The following ABCB4 variants were observed in gnomAD, a reference collection of about 807,000 sequenced individuals.
The protein encoded by ABCB4 is phosphatidylcholine translocator ABCB4.
A neutral mutation model predicts 145.7 loss-of-function variants in ABCB4; 76 were observed. The observed-to-expected ratio is 0.52, with a 90% CI of 0.43 to 0.63. The LOEUF is 0.63. Ranked by LOEUF, ABCB4 falls within the 30% of genes least tolerant of loss-of-function variation. ABCB4 has a pLI of 0.00. For synonymous variants in ABCB4, 517 were observed against 566.8 expected (o/e 0.91, Z 1.25); for missense variants, 1,234 against 1,553.1 (o/e 0.79, Z 3.45).
At position 87,433,189 on chromosome 7, in the gene ABCB4, C is replaced by G. The variant is rs544408782; in HGVS notation, c.1732-1624G>C. ...CATTTAATAAAGTAATGTGGTATTT[C>G]TACTTTAGTCCTTACATTAAAATAA... On this transcript the variant is annotated intron_variant, in intron 14 of 27. Transcript: ENST00000649586. Among the ~76,000 whole-genome samples the G allele has an allele frequency of 2.6e-5, 4 of 152,250 alleles. No individual in the cohort carries two copies. In the East Asian group the frequency reaches 7.7e-4, roughly 29 times the overall value.
At chr7:87,381,711 C>CT in the ABCB4 span, among the ~76,000 whole-genome samples, 1 of 152,114 alleles carries the variant, frequency 6.6e-6, no homozygotes, top group African/African-American at 2.4e-5. Context: ...ATTTAAACAA[C>CT]TTTTTTTCCA....
In ABCB4 at chr7:87,449,978, C is replaced by A. The variant is rs1462261623; in HGVS notation, c.823G>T (p.Glu275Ter). The change falls in exon 8 of 28, where the codon GAG (glutamate) becomes TAG (stop). Residue 275 changes from glutamate to a stop codon, truncating the protein, a stop_gained. Coordinates refer to ENST00000649586, the MANE Select transcript of ABCB4 (RefSeq NM_000443.4). LOFTEE classifies it high-confidence loss of function. ...AAGAACCTTCCTGACCTTTCCAGCT[C>A]TTTGTTCTGGCCCCCGAAAGCTATC... ...TVIAFGGQNKELERYQKHLEN... is the reference protein window; with the variant it reads ...TVIAFGGQNK The A allele has an allele frequency of 5.6e-6, 9 of 1,614,044 alleles. 1 individual carries two copies. In the South Asian group the frequency reaches 8.8e-5, roughly 16 times the overall value.
At chr7:87,445,865 T>C (rs1811311040) in intron 9 of ABCB4, among the ~76,000 whole-genome samples, 1 of 152,208 alleles carries the variant, frequency 6.6e-6, no homozygotes, top group African/African-American at 2.4e-5. Context: ...AGGGCTTTGC[T>C]TGGGCTCCCT....
chr7:87,421,317 T>C (rs752216852), intron 18 of ABCB4, among the ~76,000 whole-genome samples: 3 of 152,154 alleles, frequency 2.0e-5, no homozygotes, highest in Non-Finnish European at 4.4e-5. Context: ...AGGACCAGAC[T>C]GCCCTCCCCC....
chr7:87,407,496 C>A (rs1808284994), intron 25 of ABCB4, among the ~76,000 whole-genome samples: 1 of 152,196 alleles, frequency 6.6e-6, no homozygotes, highest in Non-Finnish European at 1.5e-5. Context: ...ATGGCAGATA[C>A]AAGCATTATC....
chr7:87,426,683 TA>T, intron 16 of ABCB4, 66 bp downstream of exon 16: 1 of 1,522,982 alleles, frequency 6.6e-7, no homozygotes, highest in Non-Finnish European at 9.1e-7. Context: ...TTTGCAAGGC[TA>T]AGAATTTCAA....
In ABCB4 at chr7:87,417,325, T is replaced by G; in HGVS notation, c.2669A>C (p.Glu890Ala). The G allele has an allele frequency of 6.2e-7, 1 of 1,614,070 alleles. No individual in the cohort carries two copies. The highest frequency in any genetic ancestry group is 8.5e-7 in the Non-Finnish European group (1 of 1,179,970). The change falls in exon 21 of 28, where the codon GAA (glutamate) becomes GCA (alanine). Residue 890 changes from glutamate to alanine, a missense_variant. Glu to Ala is a moderately radical substitution (Grantham distance 107). Coordinates refer to ENST00000649586, the MANE Select transcript of ABCB4 (RefSeq NM_000443.4). ...GNAKRDKKELEAAGKIATEAI... is the reference protein window; with the variant it reads ...GNAKRDKKELAAAGKIATEAI... ...TATTTGACCTACCTTTCCAGCAGCT[T>G]CCAGTTCTTTTTTATCTCTTTTGGC...
chr7:87,452,589 A>C (rs934780079), intron 6 of ABCB4: 1 of 329,074 alleles, frequency 3.0e-6, no homozygotes, highest in Non-Finnish European at 5.8e-6. Context: ...TGAAGAGTTG[A>C]CAATTACTAA....
chr7:87,375,615 T>C, the ABCB4 span: 2 of 1,591,736 alleles, frequency 1.3e-6, no homozygotes, highest in Non-Finnish European at 1.7e-6. Context: ...TTTAATCTTC[T>C]TTTCATCTTC....
At chr7:87,375,448 G>T in the ABCB4 span, 5 of 524,436 alleles carry the variant, frequency 9.5e-6, no homozygotes, top group South Asian at 5.6e-5. Flanking sequence ...TATGCTTTTG[G>T]TGTTAATAGA....
At chr7:87,439,972 A>G in intron 13 of ABCB4, 135 bp from the exon 14 acceptor site, 1 of 1,312,224 alleles carries the variant, frequency 7.6e-7, no homozygotes, top group Non-Finnish European at 1.1e-6. Flanking sequence ...GATAAGATAA[A>G]TGAATTCTGA....
intron 3 of ABCB4, among the ~76,000 whole-genome samples, chr7:87,466,121 A>G (rs1563002398): frequency 1.3e-5 from 2 of 152,214 alleles, no homozygotes; most frequent in South Asian, 4.1e-4. Context: ...CGGAAGTTCG[A>G]ACCCATGGCA....
intron 2 of ABCB4, among the ~76,000 whole-genome samples, chr7:87,474,388 A>G (rs1359207939): frequency 6.6e-6 from 1 of 152,244 alleles, no homozygotes; most frequent in African/African-American, 2.4e-5. Context: ...TTTCTATGAA[A>G]AAATACAATG....
At chr7:87,465,416 G>A (rs947600186) in intron 3 of ABCB4, among the ~76,000 whole-genome samples, 1 of 152,194 alleles carries the variant, frequency 6.6e-6, no homozygotes, top group Non-Finnish European at 1.5e-5. Flanking sequence ...CAGGAACTGG[G>A]TGGAGCCCAC....
chr7:87,413,807 T>C, intron 21 of ABCB4, 90 bp from the exon 22 acceptor site: 1 of 892,304 alleles, frequency 1.1e-6, no homozygotes, highest in South Asian at 1.3e-5. Flanking sequence ...AAAAGTATCC[T>C]GAAGGTTACG....
intron 4 of ABCB4, among the ~76,000 whole-genome samples, chr7:87,455,985 G>A (rs964608060): frequency 2.6e-5 from 4 of 152,114 alleles, no homozygotes; most frequent in Admixed American, 6.5e-5. Flanking sequence ...TGAAATTTCC[G>A]ATTATTAATC....
At chr7:87,422,494 A>G (rs1244109651) in intron 17 of ABCB4, among the ~76,000 whole-genome samples, 1 of 151,984 alleles carries the variant, frequency 6.6e-6, no homozygotes, top group East Asian at 1.9e-4. Context: ...AAACTTCCCA[A>G]ACTTGATACC....
At chr7:87,391,744 A>T in the ABCB4 span, 1 of 1,594,290 alleles carries the variant, frequency 6.3e-7, no homozygotes, top group Non-Finnish European at 8.5e-7. Flanking sequence ...AACTCACAAG[A>T]TTTGTTTAAT....
At chr7:87,469,074 C>G (rs1219209504) in intron 3 of ABCB4, among the ~76,000 whole-genome samples, 1 of 152,068 alleles carries the variant, frequency 6.6e-6, no homozygotes, top group Non-Finnish European at 1.5e-5. Context: ...TCAACATACA[C>G]AAATCAATAA....
Sources: allele counts gnomAD v4.1 joint callset (sites outside exome capture counted in the v4.1 genomes callset), GRCh38; gene constraint gnomAD v4.1.1; transcripts MANE v1.5; gene names NCBI Gene and HGNC (gene_info 2026-07-23, HGNC 2026-07-21).